Variants in BCO1 observed in about 807,000 individuals in gnomAD.
BCO1 encodes beta-carotene oxygenase 1.
In BCO1, 54 loss-of-function variants were observed where a neutral mutation model predicts 56.3. The ratio of observed to expected loss-of-function variants is 0.96; its 90% CI spans 0.77 to 1.20. The LOEUF (loss-of-function observed/expected upper bound fraction) is 1.20. Among genes scored for constraint, BCO1 ranks in the 50% most tolerant of loss-of-function variants. The probability of loss-of-function intolerance (pLI) is 0.00; values close to 1 mark genes in which losing one functional copy is unlikely to be tolerated. For synonymous variants in BCO1, 318 were observed against 266.1 expected, an observed-to-expected ratio of 1.20 and a Z score of -1.90; for missense variants, 801 against 690.9, an observed-to-expected ratio of 1.16 and a Z score of -1.79.
chr16:81,281,940 G>A (rs1037402718), intron 8 of BCO1, among the ~76,000 whole-genome samples: 3 of 152,266 alleles, frequency 2.0e-5, no homozygotes, highest in African/African-American at 7.2e-5. Context: ...CGTGAGGCGA[G>A]AATTGTGTTG....
chr16:81,290,542 A>C lies in BCO1; in HGVS notation c.1609A>C (p.Arg537=). The part of the protein sequence containing the change: ...KQAASEEQRD[R]ASDCHGAPLT ...GGCCGCTTCTGAGGAACAGCGGGAC[A>C]GGGCTTCCGACTGCCACGGGGCTCC... Residue 537 remains arginine (R), a synonymous_variant, in exon 11 of 11, where the codon AGG becomes CGG. Coordinates refer to ENST00000258168, the MANE Select transcript of BCO1 (RefSeq NM_017429.3). 1 of 1,614,076 alleles carries C rather than the reference A, an allele frequency of 6.2e-7. No individual in the cohort carries two copies. Among genetic ancestry groups the C allele is most frequent in the Non-Finnish European group, 8.5e-7 (1 of 1,180,034 alleles).
At chr16:81,245,359 C>T (rs1292556880) in intron 1 of BCO1, 116 bp from the exon 2 acceptor site, 2 of 1,474,364 alleles carry the variant, frequency 1.4e-6, no homozygotes, top group African/African-American at 2.8e-5. Flanking sequence ...AATAAACGAA[C>T]AGATGCAAGG....
chr16:81,280,180 T>C (rs1907784890), intron 7 of BCO1, among the ~76,000 whole-genome samples: 1 of 141,022 alleles, frequency 7.1e-6, no homozygotes, highest in Non-Finnish European at 1.5e-5. Context: ...GGAGAATCGA[T>C]TGAACCTGGG....
chr16:81,268,126 G>T lies in BCO1; in HGVS notation c.838G>T (p.Glu280Ter). 6.2e-7 allele frequency: 1 copy of T among 1,607,838 alleles called. No homozygotes were observed. Among genetic ancestry groups the T allele is most frequent in the South Asian group, 1.1e-5 (1 of 91,076 alleles). The change falls in exon 6 of 11, where the codon GAG becomes TAG. Residue 280 changes from glutamate (E) to a stop codon, truncating the protein, a stop_gained. Coordinates refer to ENST00000258168, the MANE Select transcript of BCO1 (RefSeq NM_017429.3). LOFTEE classifies it high-confidence loss of function. ...WASCLAFHRE[E>*]KTYIHIIDQR... ...CTCCTGCCTGGCTTTCCACAGGGAG[G>T]AGAAGGTGAGGTCTGGCTGGACTCT...
intron 7 of BCO1, among the ~76,000 whole-genome samples, chr16:81,271,268 C>G (rs1021397254): frequency 2.0e-5 from 3 of 151,992 alleles, no homozygotes; most frequent in Admixed American, 6.6e-5. Context: ...GCGCCTGCCA[C>G]CACGCCCAGC....
At chr16:81,245,649 C>A (rs769603868) in intron 2 of BCO1, 46 bp downstream of exon 2, 8 of 1,612,874 alleles carry the variant, frequency 5.0e-6, no homozygotes, top group Non-Finnish European at 6.8e-6. Context: ...GCAAAGGACC[C>A]CAAATGCAGT....
rs1299153641 is a variant in BCO1, at chr16:81,262,123, C to T, written c.324-13C>T. 22 of 1,613,164 alleles carry T rather than the reference C, an allele frequency of 1.4e-5. No homozygotes were observed. Among genetic ancestry groups the T allele is most frequent in the Non-Finnish European group, 1.8e-5 (21 of 1,179,846 alleles). On this transcript the variant is annotated splice_polypyrimidine_tract_variant and intron_variant, in intron 3 of 10. Coordinates refer to ENST00000258168, the MANE Select transcript of BCO1 (RefSeq NM_017429.3). Reference sequence around the variant, plus strand: ...CATAGCCACTGACTCTGTTGATTTGCTTTTCTCCCCAGAGCTTTCTCCTAC... The same window carrying T: ...CATAGCCACTGACTCTGTTGATTTGTTTTTCTCCCCAGAGCTTTCTCCTAC...
intron 8 of BCO1, among the ~76,000 whole-genome samples, chr16:81,284,482 A>G (rs538290716): frequency 3.3e-5 from 5 of 152,228 alleles, no homozygotes; most frequent in Non-Finnish European, 7.4e-5. Context: ...GAGATACAAT[A>G]ATTCTATAAC....
chr16:81,284,426 C>T (rs1161407196), intron 8 of BCO1, among the ~76,000 whole-genome samples: 1 of 151,900 alleles, frequency 6.6e-6, no homozygotes, highest in Non-Finnish European at 1.5e-5. Context: ...GCAGTTAGAA[C>T]CCCAGCAATG....
chr16:81,243,704 A>G (rs1905240392), intron 1 of BCO1, among the ~76,000 whole-genome samples: 1 of 152,126 alleles, frequency 6.6e-6, no homozygotes, highest in South Asian at 2.1e-4. Context: ...CCTGACCTCA[A>G]GCGATCTGCC....
At chr16:81,264,925 G>A in intron 5 of BCO1, 138 bp downstream of exon 5, 2 of 954,530 alleles carry the variant, frequency 2.1e-6, no homozygotes, top group South Asian at 2.9e-5. Flanking sequence ...CATGAAGTCA[G>A]TACTTTCCTT....
At chr16:81,239,020 ATTTTT>A in intron 1 of BCO1, 48 bp downstream of exon 1, 1 of 1,317,788 alleles carries the variant, frequency 7.6e-7, no homozygotes, top group Non-Finnish European at 1.0e-6. Flanking sequence ...TTATTTTATT[ATTTTT>A]TTTTTTTTTG....
At chr16:81,239,702 G>A (rs1217959259) in intron 1 of BCO1, among the ~76,000 whole-genome samples, 3 of 152,196 alleles carry the variant, frequency 2.0e-5, no homozygotes, top group Non-Finnish European at 4.4e-5. Context: ...AGTCTGATGT[G>A]ATTTTCTCTC....
intron 7 of BCO1, among the ~76,000 whole-genome samples, chr16:81,277,351 A>C (rs1178464062): frequency 6.6e-6 from 1 of 152,190 alleles, no homozygotes; most frequent in Admixed American, 6.6e-5. Flanking sequence ...CCCCACGTCT[A>C]CAGATGAGAA....
rs575411772 is a variant in BCO1 at position 81,290,780 on chromosome 16, A to G, written c.*203A>G. 13 of 577,410 alleles carry G rather than the reference A, an allele frequency of 2.3e-5. No individual in the cohort carries two copies. The highest frequency in any genetic ancestry group is 2.2e-4 in the African/African-American group (12 of 53,774). 35.8% of individuals were successfully genotyped at this position (577,410 alleles called of 1,614,324 possible). On this transcript the variant is annotated 3_prime_UTR_variant, in exon 11 of 11. Transcript: ENST00000258168. ...TAAAAATTTTGTTTGAAAGTCAAAC[A>G]TTTGAACATCAAATATGTATTGATT...
chr16:81,276,455 TGCCACAG>T (rs944376997), intron 7 of BCO1, among the ~76,000 whole-genome samples: 3 of 152,220 alleles, frequency 2.0e-5, no homozygotes, highest in Non-Finnish European at 4.4e-5. Context: ...CTGCTGTTCC[TGCCACAG>T]GCCCATGAGG....
rs114503852 is a variant in BCO1 at position 81,288,055 on chromosome 16, C to T, written c.1414+649C>T. Among the ~76,000 whole-genome samples, 1,049 of 152,166 alleles carry T rather than the reference C, an allele frequency of 6.9e-3. 17 individuals are homozygous for T. The highest frequency in any genetic ancestry group is 0.024 in the African/African-American group (987 of 41,506). ...GTAGACTGCCTGATGTGGCCCAAGG[C>T]CCCCAGGTATACAAAGATACTTGTA... On this transcript the variant is annotated intron_variant, in intron 10 of 10. Transcript: ENST00000258168.
At chr16:81,272,043 G>A (rs567242065) in intron 7 of BCO1, among the ~76,000 whole-genome samples, 5 of 151,920 alleles carry the variant, frequency 3.3e-5, no homozygotes, top group Middle Eastern at 3.4e-3. Flanking sequence ...CACAGTGCCC[G>A]GCCAGTACTT....
chr16:81,280,771 C>T, intron 7 of BCO1, 86 bp from the exon 8 acceptor site: 2 of 957,468 alleles, frequency 2.1e-6, no homozygotes, highest in South Asian at 1.4e-5. Flanking sequence ...TGTATTCAAG[C>T]ATTTTAAAAA....
Sources: allele counts gnomAD v4.1 joint callset (sites outside exome capture counted in the v4.1 genomes callset), GRCh38; gene constraint gnomAD v4.1.1; transcripts MANE v1.5; gene names NCBI Gene and HGNC (gene_info 2026-07-23, HGNC 2026-07-21).